RORA: variants seen among roughly 807,000 people sequenced by gnomAD.
RORA encodes the protein nuclear receptor ROR-alpha.
A neutral mutation model predicts 69.5 loss-of-function variants in RORA; 7 were observed. That is an observed-to-expected ratio of 0.10 (90% CI 0.06 to 0.19). The LOEUF (loss-of-function observed/expected upper bound fraction) is 0.19. RORA is among the 10% of genes least tolerant of loss of function. The pLI, the probability that RORA is intolerant of heterozygous loss-of-function variation, is 1.00. For synonymous variants in RORA, 261 were observed against 240.8 expected (o/e 1.08, Z -0.78); for missense variants, 457 against 663.0 (o/e 0.69, Z 3.41).
intron 1 of RORA, among the ~76,000 whole-genome samples, chr15:60,901,478 G>C (rs1231292679): frequency 6.6e-6 from 1 of 152,184 alleles, no homozygotes; most frequent in African/African-American, 2.4e-5. Flanking sequence ...GGCGATTCAT[G>C]ATGTTCCTAA....
chr15:61,203,916 G>C, intron 1 of RORA, among the ~76,000 whole-genome samples: 1 of 152,230 alleles, frequency 6.6e-6, no homozygotes, highest in Non-Finnish European at 1.5e-5. Context: ...TGACAATGTG[G>C]AGAATGAGTT....
At chr15:60,799,143 G>A (rs1269165502) in intron 1 of RORA, among the ~76,000 whole-genome samples, 1 of 152,100 alleles carries the variant, frequency 6.6e-6, no homozygotes, top group Admixed American at 6.6e-5. Flanking sequence ...ACTACACTCA[G>A]ACTCTCTATC....
At chr15:61,201,646 G>A (rs184205027) in intron 1 of RORA, among the ~76,000 whole-genome samples, 67 of 152,026 alleles carry the variant, frequency 4.4e-4, no homozygotes, top group African/African-American at 1.5e-3. Context: ...TTTTTCTATT[G>A]TTCTTCAGAA....
In RORA at chr15:61,207,758, A is replaced by G. The variant is rs189613766; in HGVS notation, c.166+21295T>C. 3.3e-4 allele frequency among the ~76,000 whole-genome samples: 50 copies of G among 152,360 alleles called. 1 individual carries two copies. The highest frequency in any genetic ancestry group is 1.2e-3 in the Admixed American group (18 of 15,302). ...AAAGTGACATTACTAAGTTAGGTTAACAGCCAGTGTCCTTAACTCTTGCTT... is the reference window on the plus strand; with the variant it reads ...AAAGTGACATTACTAAGTTAGGTTAGCAGCCAGTGTCCTTAACTCTTGCTT... On this transcript the variant is annotated intron_variant, in intron 1 of 10. Coordinates refer to ENST00000335670, the MANE Select transcript of RORA (RefSeq NM_134261.3).
At chr15:61,157,509 A>T (rs28607616) in intron 1 of RORA, among the ~76,000 whole-genome samples, 6,274 of 152,236 alleles carry the variant, frequency 0.041, 436 homozygotes, top group African/African-American at 0.14. Flanking sequence ...TGCACTACAC[A>T]GATACAATAT....
intron 1 of RORA, among the ~76,000 whole-genome samples, chr15:60,984,855 C>T (rs958523412): frequency 7.5e-6 from 1 of 133,866 alleles, no homozygotes; most frequent in Admixed American, 7.7e-5. Context: ...TGATTATTTC[C>T]TTCTTTAACA....
At chr15:60,545,317 G>A (rs1475347984) in intron 2 of RORA, among the ~76,000 whole-genome samples, 4 of 152,242 alleles carry the variant, frequency 2.6e-5, no homozygotes, top group Middle Eastern at 3.4e-3. Context: ...ACAATGAGAC[G>A]AATGGCTAGC....
intron 1 of RORA, among the ~76,000 whole-genome samples, chr15:60,863,838 G>A (rs554203953): frequency 1.4e-5 from 2 of 147,404 alleles, no homozygotes; most frequent in African/African-American, 5.1e-5. Context: ...ACAGAGTCTC[G>A]CTCTGTCGCC....
chr15:60,532,734 A>T (rs2066563278), intron 2 of RORA, among the ~76,000 whole-genome samples: 2 of 152,246 alleles, frequency 1.3e-5, no homozygotes, highest in Non-Finnish European at 2.9e-5. Context: ...AATAGAATTT[A>T]TATGTGAAAT....
chr15:60,587,582 G>A (rs1333973281), intron 2 of RORA, among the ~76,000 whole-genome samples: 1 of 152,082 alleles, frequency 6.6e-6, no homozygotes, highest in Non-Finnish European at 1.5e-5. Context: ...TCTCTATGGA[G>A]GATTAAATGA....
At chr15:60,512,862 CAAAA>C (rs956802569) in intron 4 of RORA, among the ~76,000 whole-genome samples, 3 of 152,106 alleles carry the variant, frequency 2.0e-5, no homozygotes, top group African/African-American at 7.2e-5. Flanking sequence ...AACACACAAA[CAAAA>C]AACCCTATGA....
At chr15:60,968,080 C>A (rs1893606373) in intron 1 of RORA, among the ~76,000 whole-genome samples, 1 of 152,184 alleles carries the variant, frequency 6.6e-6, no homozygotes, top group Admixed American at 6.5e-5. Context: ...ACTTAAGCAC[C>A]AATAATAAAT....
intron 1 of RORA, among the ~76,000 whole-genome samples, chr15:61,050,138 C>G (rs1198592126): frequency 6.6e-6 from 1 of 152,198 alleles, no homozygotes. Context: ...CCCATGTGGT[C>G]TGATCTGGCC....
chr15:60,652,860 G>A (rs2070164771), intron 2 of RORA, among the ~76,000 whole-genome samples: 1 of 152,156 alleles, frequency 6.6e-6, no homozygotes, highest in Non-Finnish European at 1.5e-5. Context: ...CTCAATGCTG[G>A]TGCTTGCTCT....
At chr15:60,849,850 T>C (rs911288890) in intron 1 of RORA, among the ~76,000 whole-genome samples, 2 of 152,012 alleles carry the variant, frequency 1.3e-5, no homozygotes, top group East Asian at 1.9e-4. Flanking sequence ...GGCCTGAGAA[T>C]AGAGGAGGAG....
At chr15:61,101,738 C>A (rs2078883023) in intron 1 of RORA, among the ~76,000 whole-genome samples, 1 of 151,924 alleles carries the variant, frequency 6.6e-6, no homozygotes, top group Non-Finnish European at 1.5e-5. Context: ...GGACATTCTC[C>A]CTGCTGTGTG....
Position 60,642,149 on chromosome 15 carries a change from G to A in RORA, c.196+36508C>T, listed in dbSNP as rs1369850360. Among the ~76,000 whole-genome samples, 4 of 152,218 alleles carry A rather than the reference G, an allele frequency of 2.6e-5. No homozygotes were observed. The East Asian group carries it at 7.7e-4, about 29-fold the overall frequency. ...ATTCTTTCCACTGTGCTCTGTGCAC[G>A]TGAGACCACTGCTGGGGCCGTGCTT... On this transcript the variant is annotated intron_variant, in intron 2 of 10. Transcript: ENST00000335670.
At chr15:60,548,930 C>G (rs2067153854) in intron 2 of RORA, among the ~76,000 whole-genome samples, 1 of 152,138 alleles carries the variant, frequency 6.6e-6, no homozygotes, top group African/African-American at 2.4e-5. Flanking sequence ...TGGCCAATAG[C>G]ATTAGTTTAA....
chr15:60,883,554 C>A (rs556027780), intron 1 of RORA, among the ~76,000 whole-genome samples: 2 of 152,234 alleles, frequency 1.3e-5, no homozygotes, highest in East Asian at 1.9e-4. Context: ...CCTTCTGCAT[C>A]CCTGGTATCC....
Sources: gnomAD v4.1 joint callset for allele counts (sites outside exome capture counted in the v4.1 genomes callset) on GRCh38, gnomAD v4.1.1 for gene constraint, MANE v1.5 for transcripts, NCBI Gene and HGNC (gene_info 2026-07-23, HGNC 2026-07-21) for gene names.